Variants in METTL15 observed in about 807,000 individuals in gnomAD.
METTL15 encodes the protein methyltransferase 15, mitochondrial 12S rRNA N4-cytidine, also known as 12S rRNA N(4)-cytidine methyltransferase METTL15.
METTL15 carries 34 observed loss-of-function variants against 38.3 expected under a neutral mutation model. The ratio of observed to expected loss-of-function variants is 0.89; its 90% confidence interval spans 0.68 to 1.18. The LOEUF (loss-of-function observed/expected upper bound fraction) is 1.18, where lower values mean the gene tolerates loss of function less well. Among genes scored for constraint, METTL15 ranks in the 50% most tolerant of loss-of-function variants. METTL15 has a pLI of 0.00. For missense variants in METTL15, 438 were observed against 498.4 expected, an observed-to-expected ratio of 0.88 and a Z score of 1.15; for synonymous variants, 162 against 170.9, an observed-to-expected ratio of 0.95 and a Z score of 0.41.
chr11:28,473,277 G>A (rs909448816), intron 6 of METTL15, among the ~76,000 whole-genome samples: 2 of 152,148 alleles, frequency 1.3e-5, no homozygotes, highest in African/African-American at 2.4e-5. Flanking sequence ...GGAGTGCCTG[G>A]AAAATGGTGG....
At chr11:28,330,198 G>T (rs890666686) in intron 6 of METTL15, among the ~76,000 whole-genome samples, 198 bp from the exon 7 acceptor site, 1 of 152,032 alleles carries the variant, frequency 6.6e-6, no homozygotes, top group African/African-American at 2.4e-5. Flanking sequence ...GTTATGAAAG[G>T]TTTTTTTGCC....
intron 6 of METTL15, among the ~76,000 whole-genome samples, chr11:28,478,668 G>A (rs1456083424): frequency 1.3e-5 from 2 of 152,060 alleles, no homozygotes; most frequent in Admixed American, 1.3e-4. Flanking sequence ...GATGCTCAGG[G>A]TAACCACCTG....
intron 3 of METTL15, 50 bp from the exon 4 acceptor site, chr11:28,211,012 A>G (rs749365067): frequency 3.3e-5 from 52 of 1,552,320 alleles, no homozygotes; most frequent in Non-Finnish European, 4.3e-5. Context: ...GTTGTCAAGA[A>G]TAAGTTTTGT....
At chr11:28,294,299 T>C (rs1856645116) in intron 5 of METTL15, among the ~76,000 whole-genome samples, 1 of 152,176 alleles carries the variant, frequency 6.6e-6, no homozygotes, top group Non-Finnish European at 1.5e-5. Flanking sequence ...GATTCAAACA[T>C]GTGCAATGCT....
Position 28,220,530 on chromosome 11 carries a change from G to A in METTL15, c.407+9332G>A, listed in dbSNP as rs142210619. Among the ~76,000 whole-genome samples the A allele has an allele frequency of 2.0e-3, 300 of 152,258 alleles. 3 individuals carry two copies. The East Asian group carries it at 0.037, about 19-fold the overall frequency. On this transcript the variant is annotated intron_variant, in intron 4 of 6. Transcript: ENST00000407364. ...CTCTTTATCCAATTTGCCAGTATGT[G>A]TCTTTTAATTGGAGCATTTAGCCCA...
intron 6 of METTL15, among the ~76,000 whole-genome samples, chr11:28,312,561 T>C (rs1353441614): frequency 8.7e-6 from 1 of 115,208 alleles, no homozygotes; most frequent in Non-Finnish European, 2.1e-5. Context: ...TTTATTTCTT[T>C]GTTCTTTTTT....
chr11:28,115,125 G>A (rs1032932018), intron 3 of METTL15, among the ~76,000 whole-genome samples: 1 of 152,136 alleles, frequency 6.6e-6, no homozygotes. Flanking sequence ...GTGGGAATTT[G>A]GGGTGTTGAC....
At chr11:28,173,004 CTT>C (rs1398827776) in intron 3 of METTL15, among the ~76,000 whole-genome samples, 2 of 152,034 alleles carry the variant, frequency 1.3e-5, no homozygotes, top group African/African-American at 2.4e-5. Flanking sequence ...ATCTTAAAGA[CTT>C]AACGAAACTC....
At chr11:28,388,135 T>C (rs1850460771) in intron 5 of METTL15, among the ~76,000 whole-genome samples, 1 of 152,110 alleles carries the variant, frequency 6.6e-6, no homozygotes, top group Admixed American at 6.6e-5. Context: ...GTGATCTTTT[T>C]CTCTAAGATC....
At chr11:28,138,595 G>A (rs747254526) in intron 3 of METTL15, among the ~76,000 whole-genome samples, 35 of 152,166 alleles carry the variant, frequency 2.3e-4, no homozygotes, top group Non-Finnish European at 7.3e-5. Flanking sequence ...AAAGATTTAA[G>A]AAAGAAAGCT....
intron 6 of METTL15, among the ~76,000 whole-genome samples, chr11:28,437,426 A>C (rs980581509): frequency 6.6e-6 from 1 of 152,258 alleles, no homozygotes; most frequent in East Asian, 1.9e-4. Context: ...GAAGATGCAC[A>C]TATAGGGATG....
Position 28,479,556 on chromosome 11 carries a change from G to C in METTL15, c.*425-46922G>C, listed in dbSNP as rs779592607. ...GCCTGCTTTGCATACAAAAGGTTTT[G>C]TAGTAATCCTGATATAGATTCCATC... On this transcript the variant is annotated intron_variant and NMD_transcript_variant, in intron 6 of 7. Coordinates refer to the METTL15 transcript ENST00000532947. Among the ~76,000 whole-genome samples the C allele has an allele frequency of 4.6e-5, 7 of 152,182 alleles. No homozygotes were observed. In the South Asian group the frequency reaches 1.2e-3, roughly 27 times the overall value.
chr11:28,127,747 T>A (rs570525395), intron 3 of METTL15, among the ~76,000 whole-genome samples: 1 of 152,232 alleles, frequency 6.6e-6, no homozygotes, highest in East Asian at 1.9e-4. Flanking sequence ...AATACTGTTA[T>A]AACTATTAAT....
chr11:28,235,784 T>G (rs1853930585), intron 4 of METTL15, among the ~76,000 whole-genome samples: 1 of 152,188 alleles, frequency 6.6e-6, no homozygotes, highest in Admixed American at 6.5e-5. Flanking sequence ...TTTTCCCAAT[T>G]GAATACCCTT....
At chr11:28,216,842 G>C (rs1430127817) in intron 4 of METTL15, among the ~76,000 whole-genome samples, 1 of 151,550 alleles carries the variant, frequency 6.6e-6, no homozygotes, top group Non-Finnish European at 1.5e-5. Context: ...ATAGTTTGCT[G>C]AGAATGATGG....
At chr11:28,173,128 T>A (rs562752744) in intron 3 of METTL15, among the ~76,000 whole-genome samples, 1 of 152,306 alleles carries the variant, frequency 6.6e-6, no homozygotes, top group Admixed American at 6.5e-5. Context: ...TTTGTTTTTT[T>A]GAACAGTTCA....
At chr11:28,122,574 G>A (rs1007988557) in intron 3 of METTL15, among the ~76,000 whole-genome samples, 6 of 151,036 alleles carry the variant, frequency 4.0e-5, no homozygotes, top group East Asian at 1.9e-4. Context: ...ATGTATATAG[G>A]TGTGTATATA....
intron 3 of METTL15, among the ~76,000 whole-genome samples, chr11:28,120,719 T>A: frequency 6.6e-6 from 1 of 152,184 alleles, no homozygotes; most frequent in East Asian, 1.9e-4. Flanking sequence ...TGTGCCCTTA[T>A]ACTTGCCCTT....
At chr11:28,240,769 A>G (rs891946024) in intron 4 of METTL15, among the ~76,000 whole-genome samples, 1 of 152,204 alleles carries the variant, frequency 6.6e-6, no homozygotes, top group Non-Finnish European at 1.5e-5. Context: ...ATGTTAAGAA[A>G]ATTTAAAAAG....
Sources: gnomAD v4.1 joint callset for allele counts (sites outside exome capture counted in the v4.1 genomes callset) on GRCh38, gnomAD v4.1.1 for gene constraint, MANE v1.5 for transcripts, NCBI Gene and HGNC (gene_info 2026-07-23, HGNC 2026-07-21) for gene names.